TRAPPC9: variants seen among roughly 807,000 people sequenced by gnomAD.
TRAPPC9 encodes IKK2 binding protein.
Under a neutral mutation model 124.0 loss-of-function variants are expected in TRAPPC9, and 83 were observed. The ratio of observed to expected loss-of-function variants is 0.67; its 90% confidence interval spans 0.56 to 0.80. TRAPPC9 has a LOEUF of 0.80. Ranked by LOEUF, TRAPPC9 falls within the 30% of genes least tolerant of loss-of-function variation. TRAPPC9 has a pLI of 0.00. For synonymous variants in TRAPPC9, 638 were observed against 617.5 expected (o/e 1.03, Z -0.49); for missense variants, 1,302 against 1,508.3 (o/e 0.86, Z 2.27).
intron 7 of TRAPPC9, among the ~76,000 whole-genome samples, chr8:140,386,918 A>C (rs1319955628): frequency 6.6e-6 from 1 of 152,234 alleles, no homozygotes; most frequent in Non-Finnish European, 1.5e-5. Context: ...TTCAAACTAT[A>C]CTACAAGGCT....
chr8:140,195,430 AAC>A (rs1369486478), intron 17 of TRAPPC9, among the ~76,000 whole-genome samples: 1 of 149,790 alleles, frequency 6.7e-6, no homozygotes, highest in East Asian at 2.0e-4. Flanking sequence ...GACACTAAAA[AAC>A]ACTCGACAAT....
At chr8:139,830,393 ATGCAAATGAGCATACACC>A (rs1227313127) in intron 21 of TRAPPC9, among the ~76,000 whole-genome samples, 1 of 152,194 alleles carries the variant, frequency 6.6e-6, no homozygotes, top group African/African-American at 2.4e-5. Context: ...ATGCATACAC[ATGCAAATGAGCATACACC>A]TGCAAATGAG....
chr8:139,899,731 T>G (rs1245503357), intron 20 of TRAPPC9, among the ~76,000 whole-genome samples: 1 of 152,074 alleles, frequency 6.6e-6, no homozygotes, highest in Non-Finnish European at 1.5e-5. Context: ...CTGTAACCCT[T>G]TAGAGCAGAA....
intron 14 of TRAPPC9, among the ~76,000 whole-genome samples, chr8:140,281,276 T>C (rs1458250206): frequency 6.6e-6 from 1 of 152,178 alleles, no homozygotes; most frequent in East Asian, 1.9e-4. Flanking sequence ...GCGTCCAGCT[T>C]CTCCGAAACC....
chr8:140,083,698 G>A (rs527743971), intron 17 of TRAPPC9, among the ~76,000 whole-genome samples: 3 of 151,738 alleles, frequency 2.0e-5, no homozygotes, highest in Non-Finnish European at 2.9e-5. Context: ...ATGGAGTCTC[G>A]CTCTGTCACC....
intron 18 of TRAPPC9, among the ~76,000 whole-genome samples, chr8:140,019,877 A>G (rs1839722507): frequency 6.6e-6 from 1 of 152,026 alleles, no homozygotes; most frequent in African/African-American, 2.4e-5. Flanking sequence ...TTTAAGAGAC[A>G]GGCACCTTCT....
chr8:140,208,230 G>A (rs1016050498), intron 17 of TRAPPC9, among the ~76,000 whole-genome samples: 4 of 152,064 alleles, frequency 2.6e-5, no homozygotes. Context: ...TAGTTGCTGA[G>A]GCACCCCAAA....
intron 9 of TRAPPC9, among the ~76,000 whole-genome samples, chr8:140,344,865 G>A (rs998258102): frequency 3.3e-5 from 5 of 152,244 alleles, no homozygotes; most frequent in African/African-American, 1.2e-4. Context: ...CACCAGGGAG[G>A]TTGAAGCAGA....
chr8:140,396,880 T>C (rs772053072), intron 7 of TRAPPC9, among the ~76,000 whole-genome samples: 2 of 152,148 alleles, frequency 1.3e-5, no homozygotes, highest in Admixed American at 6.5e-5. Context: ...CACTGCTCAA[T>C]GTCTGCCTTT....
intron 17 of TRAPPC9, among the ~76,000 whole-genome samples, chr8:140,073,703 CATT>C (rs1843324679): frequency 6.6e-6 from 1 of 152,150 alleles, no homozygotes; most frequent in African/African-American, 2.4e-5. Flanking sequence ...AACTGAAGCT[CATT>C]ATCATCATCA....
In TRAPPC9 at chr8:139,970,826, A is replaced by G. The variant is rs148847175; in HGVS notation, c.2810+17900T>C. On this transcript the variant is annotated intron_variant, in intron 19 of 22. Coordinates refer to ENST00000438773, the MANE Select transcript of TRAPPC9 (RefSeq NM_001160372.4). ...GCCCTTTGTCCAGGATCACAGTACA[A>G]CCTTTCTGGTGTGGCCAGAAGCCAG... Among the ~76,000 whole-genome samples, 504 of 152,098 alleles carry G rather than the reference A, an allele frequency of 3.3e-3. 1 individual carries two copies. The highest frequency in any genetic ancestry group is 0.011 in the African/African-American group (441 of 41,490).
intron 9 of TRAPPC9, among the ~76,000 whole-genome samples, chr8:140,325,907 C>A (rs978104772): frequency 7.2e-5 from 11 of 152,020 alleles, no homozygotes; most frequent in Non-Finnish European, 1.5e-4. Flanking sequence ...GAGACCCCCC[C>A]AAAAACACCA....
intron 21 of TRAPPC9, among the ~76,000 whole-genome samples, chr8:139,794,074 C>T (rs1431422795): frequency 6.6e-6 from 1 of 152,048 alleles, no homozygotes; most frequent in Non-Finnish European, 1.5e-5. Flanking sequence ...TCCTGCCCCA[C>T]TACTCCTGTC....
intron 4 of TRAPPC9, among the ~76,000 whole-genome samples, chr8:140,433,241 G>A (rs931260302): frequency 1.3e-4 from 19 of 151,682 alleles, no homozygotes; most frequent in African/African-American, 2.9e-4. Flanking sequence ...ATAGTGAGCC[G>A]AGATCATGCT....
chr8:140,405,628 G>T lies in TRAPPC9; in HGVS notation c.957C>A (p.Ser319Arg). 6.2e-7 allele frequency: 1 copy of T among 1,614,072 alleles called. No individual in the cohort carries two copies. Among genetic ancestry groups the T allele is most frequent in the Non-Finnish European group, 8.5e-7 (1 of 1,179,954 alleles). Residue 319 changes from serine to arginine, a missense_variant, in exon 6 of 23, where the codon AGC becomes AGA. By Grantham distance (110) the Ser-to-Arg change is moderately radical. Transcript: ENST00000438773. ...TEIGRAKNCL[S>R]PEDIIDKYKE... ...TATACTTGTCAATTATGTCTTCAGG[G>T]CTAAGGCAGTTCTTAGCACGTCCGA...
intron 21 of TRAPPC9, among the ~76,000 whole-genome samples, chr8:139,752,910 C>G (rs1438649124): frequency 6.6e-6 from 1 of 150,998 alleles, no homozygotes; most frequent in Admixed American, 6.6e-5. Context: ...CATCTAGCAT[C>G]CATCCATCCA....
intron 16 of TRAPPC9, among the ~76,000 whole-genome samples, chr8:140,235,947 T>G (rs1377492743): frequency 6.6e-6 from 1 of 151,816 alleles, no homozygotes; most frequent in East Asian, 1.9e-4. Context: ...ATCTCAGATA[T>G]CATGTGGAGG....
chr8:140,152,568 C>G (rs1305253721), intron 17 of TRAPPC9, among the ~76,000 whole-genome samples: 1 of 151,590 alleles, frequency 6.6e-6, no homozygotes, highest in East Asian at 1.9e-4. Context: ...CGGGGTTTCA[C>G]CATGTTAGCC....
intron 17 of TRAPPC9, among the ~76,000 whole-genome samples, chr8:140,083,421 A>G (rs1473053388): frequency 6.6e-6 from 1 of 152,176 alleles, no homozygotes; most frequent in Non-Finnish European, 1.5e-5. Context: ...TGGAATGGGA[A>G]AATGCTTCTG....
Sources: allele counts gnomAD v4.1 joint callset (sites outside exome capture counted in the v4.1 genomes callset), GRCh38; gene constraint gnomAD v4.1.1; transcripts MANE v1.5; gene names NCBI Gene and HGNC (gene_info 2026-07-23, HGNC 2026-07-21).